DTX2: variants seen among roughly 807,000 people sequenced by gnomAD.
DTX2 encodes the protein deltex E3 ubiquitin ligase 2, also known as probable E3 ubiquitin-protein ligase DTX2.
A neutral mutation model predicts 55.3 loss-of-function variants in DTX2; 29 were observed. The observed-to-expected ratio is 0.52, with a 90% confidence interval of 0.39 to 0.71. DTX2 has a LOEUF of 0.71. Among genes scored for constraint, DTX2 ranks in the 30% least tolerant of loss-of-function variants. The pLI, the probability that DTX2 is intolerant of heterozygous loss-of-function variation, is 0.00. For missense variants in DTX2, 537 were observed against 822.5 expected (o/e 0.65, Z 4.25); for synonymous variants, 276 against 340.4 (o/e 0.81, Z 2.08).
chr7:76,477,061 G>A (rs1808625318), intron 2 of DTX2: 1 of 150,728 alleles, frequency 6.6e-6, no homozygotes, highest in Admixed American at 6.6e-5. Flanking sequence ...TGACACCCAG[G>A]AGTAATTGGC....
At chr7:76,486,848 C>CGGA (rs1809965679) in intron 4 of DTX2, among the ~76,000 whole-genome samples, 1 of 63,300 alleles carries the variant, frequency 1.6e-5, no homozygotes, top group Non-Finnish European at 3.5e-5. Flanking sequence ...TTGTGGTGGG[C>CGGA]TGCTGCTGCT....
chr7:76,501,255 C>G (rs1339766015), intron 7 of DTX2: 2 of 456,026 alleles, frequency 4.4e-6, no homozygotes, highest in African/African-American at 2.0e-5. Context: ...CTTCACTTGT[C>G]TCTTTCTCCA....
rs908363883 is a variant in DTX2 at position 76,502,461 on chromosome 7, C to T, written c.1389+5C>T. 1.1e-5 allele frequency: 17 copies of T among 1,610,360 alleles called. No homozygotes were observed. In the African/African-American group the frequency reaches 1.1e-4, roughly 10 times the overall value. On this transcript the variant is annotated splice_donor_5th_base_variant and intron_variant, in intron 8 of 10. Transcript: ENST00000430490. ...ATGTACTGCAACGGCAATAAGGTGC[C>T]CCCACTGGCCCAGGGCGGAGGCGGG...
At position 76,505,343 on chromosome 7, in the gene DTX2, C is replaced by T. The variant is rs1037542705; in HGVS notation, c.1642-31C>T. On this transcript the variant is annotated intron_variant, in intron 10 of 10. Transcript: ENST00000430490. The surrounding 1 kb of genome is among the most constrained non-coding windows in gnomAD (Gnocchi z 4.4). ...AGCCCCTCTCACTCTCCGTCCCCTCCTTCCTCTTCCCCCTCCTCCTCCCCG... is the reference window on the plus strand; with the variant it reads ...AGCCCCTCTCACTCTCCGTCCCCTCTTTCCTCTTCCCCCTCCTCCTCCCCG... 25 of 1,538,822 alleles carry T rather than the reference C, an allele frequency of 1.6e-5. No individual in the cohort carries two copies. In the African/African-American group the frequency reaches 2.7e-4, roughly 17 times the overall value.
chr7:76,480,396 C>G (rs142596194), intron 2 of DTX2, 25 bp from the exon 3 acceptor site: 5 of 1,216,968 alleles, frequency 4.1e-6, no homozygotes, highest in African/African-American at 1.5e-5. Flanking sequence ...GCATTGGTAA[C>G]TGCTCATGTC....
At position 76,505,355 on chromosome 7, in the gene DTX2, C is replaced by G. The variant is rs1166426208; in HGVS notation, c.1642-19C>G. The G allele has an allele frequency of 2.6e-6, 4 of 1,552,600 alleles. No homozygotes were observed. Among genetic ancestry groups the G allele is most frequent in the South Asian group, 1.2e-5 (1 of 84,516 alleles). On this transcript the variant is annotated intron_variant, in intron 10 of 10. Transcript: ENST00000430490. The surrounding 1 kb of genome is among the most constrained non-coding windows in gnomAD (Gnocchi z 4.4). The stretch of plus-strand genomic sequence containing the variant: ...TCTCCGTCCCCTCCTTCCTCTTCCC[C>G]CTCCTCCTCCCCGGGCAGGTCCTAG...
chr7:76,498,440 T>G (rs1811179869), intron 6 of DTX2, among the ~76,000 whole-genome samples: 1 of 151,198 alleles, frequency 6.6e-6, no homozygotes, highest in East Asian at 2.0e-4. Flanking sequence ...CTGGCAACCT[T>G]CTGTGGCACT....
chr7:76,504,669 G>A (rs1446890792), intron 10 of DTX2, among the ~76,000 whole-genome samples: 10 of 152,194 alleles, frequency 6.6e-5, no homozygotes, highest in East Asian at 1.9e-4. Context: ...GCACCCTGCC[G>A]GGTGGGGTCA....
intron 2 of DTX2, among the ~76,000 whole-genome samples, chr7:76,464,152 G>T (rs62475626): frequency 0.21 from 30,296 of 147,000 alleles, 8 homozygotes; most frequent in Non-Finnish European, 0.28. Context: ...CCAGAAAGGG[G>T]ACGGTTAGAG....
intron 9 of DTX2, 65 bp downstream of exon 9, chr7:76,503,652 C>G: frequency 7.3e-7 from 1 of 1,374,852 alleles, no homozygotes; most frequent in Non-Finnish European, 1.0e-6. Flanking sequence ...CACATCCCAG[C>G]AGTCTGCCCC....
At chr7:76,503,378 G>C in intron 8 of DTX2, 48 bp from the exon 9 acceptor site, 1 of 1,590,728 alleles carries the variant, frequency 6.3e-7, no homozygotes, top group Non-Finnish European at 8.6e-7. Context: ...TGACGGTCTT[G>C]GGTGTTCTCA....
At position 76,472,903 on chromosome 7, in the gene DTX2, A is replaced by C. The variant is rs1638086; in HGVS notation, c.-89-7518A>C. Reference sequence around the variant, plus strand: ...TAGCTTCACGTCAAAATTTTTCTATAATTTTCTGAAGTTAGAGTCTTAATT... The same window carrying C: ...TAGCTTCACGTCAAAATTTTTCTATCATTTTCTGAAGTTAGAGTCTTAATT... On this transcript the variant is annotated intron_variant, in intron 2 of 10. Transcript: ENST00000430490. Among the ~76,000 whole-genome samples, 28 of 146,560 alleles carry C rather than the reference A, an allele frequency of 1.9e-4. No individual in the cohort carries two copies. The Middle Eastern group carries it at 0.01, about 55-fold the overall frequency.
chr7:76,468,189 G>A (rs1023676233), intron 2 of DTX2, among the ~76,000 whole-genome samples: 1 of 152,292 alleles, frequency 6.6e-6, no homozygotes, highest in African/African-American at 2.4e-5. Context: ...GGTGCTGTTG[G>A]CATGCTGCCT....
Position 76,483,074 on chromosome 7 carries a change from C to T in DTX2, c.835C>T (p.Leu279Phe). The T allele has an allele frequency of 6.2e-7, 1 of 1,613,140 alleles. No individual in the cohort carries two copies. The highest frequency in any genetic ancestry group is 2.2e-5 in the East Asian group (1 of 44,878). ...TCCTCCTTCCCTGGGGAGCCAGCCC[C>T]TCTACCGCTCCAGCCTCTCCCACCT... ...AAPPSLGSQPLYRSSLSHLGP... is the reference protein window; with the variant it reads ...AAPPSLGSQPFYRSSLSHLGP... Residue 279 changes from leucine (L) to phenylalanine (F), a missense_variant, in exon 4 of 11, where the codon CTC becomes TTC. Around this residue, in one of 7 missense-constraint regions of DTX2, gnomAD observed 301 missense variants for 396.6 expected, o/e 0.76. Transcript: ENST00000430490.
At chr7:76,499,738 C>CTT (rs1325237143) in intron 6 of DTX2, 3 of 195,716 alleles carry the variant, frequency 1.5e-5, no homozygotes, top group African/African-American at 7.3e-5. Context: ...GTAGGAGAGG[C>CTT]TTTACTGGAT....
chr7:76,476,314 G>A (rs1400131492), intron 2 of DTX2, among the ~76,000 whole-genome samples: 2 of 113,554 alleles, frequency 1.8e-5, no homozygotes, highest in Admixed American at 1.9e-4. Context: ...CTGGTGCACC[G>A]ACACGCCACT....
At chr7:76,498,896 GA>G (rs1811277097) in intron 6 of DTX2, among the ~76,000 whole-genome samples, 2 of 66,914 alleles carry the variant, frequency 3.0e-5, no homozygotes, top group African/African-American at 9.5e-5. Flanking sequence ...GGGGTGTATG[GA>G]GGTGTGGAGT....
intron 8 of DTX2, chr7:76,502,954 G>A (rs189583450): frequency 3.3e-5 from 7 of 214,372 alleles, no homozygotes; most frequent in Admixed American, 5.2e-5. Flanking sequence ...GAAGAGCCGC[G>A]CCCAGACTGA....
At position 76,491,317 on chromosome 7, in the gene DTX2, C is replaced by T. The variant is rs1423425669; in HGVS notation, c.909-836C>T. Among the ~76,000 whole-genome samples the T allele has an allele frequency of 6.1e-4, 85 of 139,706 alleles. No individual in the cohort carries two copies. The East Asian group carries it at 0.017, about 28-fold the overall frequency. 91.7% of individuals were successfully genotyped at this position (139,706 alleles called of 152,430 possible). A position where few individuals can be genotyped will look rare whatever the true frequency, so the allele number is the denominator to read the frequency against. On this transcript the variant is annotated intron_variant, in intron 4 of 10. Transcript: ENST00000430490. ...AGCCATTTTTTTTTTTTTTTTGAGA[C>T]GGAGTCTTGCTCTGTTGTCCAGGCT...
Sources: allele counts gnomAD v4.1 joint callset (sites outside exome capture counted in the v4.1 genomes callset), GRCh38; gene constraint gnomAD v4.1.1; regional missense constraint gnomAD v4.1.1; non-coding constraint Gnocchi (gnomAD v3.1); transcripts MANE v1.5; gene names NCBI Gene and HGNC (gene_info 2026-07-23, HGNC 2026-07-21).